ZNF41: variants seen among roughly 807,000 people sequenced by gnomAD.
ZNF41 encodes the protein zinc finger protein 41.
In ZNF41, 6 loss-of-function variants were observed where a neutral mutation model predicts 9.3. That is an observed-to-expected ratio of 0.65 (90% CI 0.35 to 1.28). The LOEUF (loss-of-function observed/expected upper bound fraction) is 1.28, where lower values mean the gene tolerates loss of function less well. Among genes scored for constraint, ZNF41 ranks in the 50% most tolerant of loss-of-function variants. The pLI, the probability that ZNF41 is intolerant of heterozygous loss-of-function variation, is 0.03. For missense variants in ZNF41, 523 were observed against 585.8 expected (o/e 0.89, Z 1.11); for synonymous variants, 192 against 207.1 (o/e 0.93, Z 0.63).
At chrX:47,469,040 G>A (rs1310805934) in intron 1 of ZNF41, among the ~76,000 whole-genome samples, 8 of 110,686 alleles carry the variant, frequency 7.2e-5, no homozygotes, top group Admixed American at 5.8e-4. Flanking sequence ...AGCCGGGCGC[G>A]GTGGCTCACG....
At position 47,461,450 on chromosome X, in the gene ZNF41, G is replaced by A. The variant is rs891315464; in HGVS notation, c.73-5052C>T. Among the ~76,000 whole-genome samples, 13 of 109,050 alleles carry A rather than the reference G, an allele frequency of 1.2e-4. 1 individual carries two copies. Among genetic ancestry groups the A allele is most frequent in the East Asian group, 1.2e-3 (4 of 3,460 alleles). 94.7% of individuals were successfully genotyped at this position (109,050 alleles called of 115,157 possible). On this transcript the variant is annotated intron_variant, in intron 2 of 4. Coordinates refer to ENST00000684689, the MANE Select transcript of ZNF41 (RefSeq NM_001324144.2). Reference sequence around the variant, plus strand: ...TTTTGAGACAGAATCTCACTCTGTCGCCCAGGCTGGAGTGCAGTGGTGCAA... The same window carrying A: ...TTTTGAGACAGAATCTCACTCTGTCACCCAGGCTGGAGTGCAGTGGTGCAA...
chrX:47,462,289 C>G (rs745850751), intron 2 of ZNF41, among the ~76,000 whole-genome samples: 33 of 111,673 alleles, frequency 3.0e-4, no homozygotes, highest in African/African-American at 1.0e-3. Flanking sequence ...TGGCTTTCCC[C>G]GCTTCCCTTG....
chrX:47,473,900 A>G (rs1314193958), intron 1 of ZNF41, among the ~76,000 whole-genome samples: 1 of 111,748 alleles, frequency 8.9e-6, no homozygotes, highest in African/African-American at 3.2e-5. Context: ...CACTTGATCC[A>G]GCAATTGCAA....
intron 2 of ZNF41, among the ~76,000 whole-genome samples, chrX:47,457,989 T>G (rs752493679): frequency 8.9e-6 from 1 of 112,186 alleles, no homozygotes; most frequent in South Asian, 3.7e-4. Flanking sequence ...TGAGAGGGGC[T>G]AGTAGATTAG....
At chrX:47,480,666 T>C (rs994461757) in intron 1 of ZNF41, among the ~76,000 whole-genome samples, 2 of 108,467 alleles carry the variant, frequency 1.8e-5, no homozygotes, top group Non-Finnish European at 3.8e-5. Context: ...CACAAATTAG[T>C]AAGAAAGACA....
Position 47,447,605 on chromosome X carries a change from C to G in ZNF41, c.2165G>C (p.Ser722Thr), listed in dbSNP as rs779641067. The G allele has an allele frequency of 3.3e-6, 4 of 1,211,705 alleles. No individual in the cohort carries two copies. Among genetic ancestry groups the G allele is most frequent in the Non-Finnish European group, 4.5e-6 (4 of 895,439 alleles). Residue 722 changes from serine (S) to threonine (T), a missense_variant, in exon 5 of 5, where the codon AGT becomes ACT. Physicochemically the swap from Ser to Thr is moderately conservative, Grantham distance 58. Transcript: ENST00000684689. ...CTGGATGAAAGCTTTCCCACATTTA[C>G]TACATTCATAGTGTCTTTCTCCAGT... ...SHTGERHYEC[S>T]KCGKAFIQKA...
intron 4 of ZNF41, among the ~76,000 whole-genome samples, chrX:47,454,101 G>T (rs1380495670): frequency 9.0e-6 from 1 of 110,629 alleles, no homozygotes; most frequent in African/African-American, 3.3e-5. Context: ...GAAAAAGACT[G>T]AACAGGAGAA....
chrX:47,448,175 A>G lies in ZNF41; in HGVS notation c.1595T>C (p.Phe532Ser). 3.3e-6 allele frequency: 4 copies of G among 1,211,800 alleles called. No individual in the cohort carries two copies. Among genetic ancestry groups the G allele is most frequent in the Non-Finnish European group, 4.5e-6 (4 of 895,552 alleles). The change falls in exon 5 of 5, where the codon TTT becomes TCT. Residue 532 changes from phenylalanine to serine, a missense_variant. Coordinates refer to ENST00000684689, the MANE Select transcript of ZNF41 (RefSeq NM_001324144.2). ...TTTAATGAGATTTGACTGGTCAGTAAAAGCCTTTCCACATTCAGCACACAT... is the reference window on the plus strand; with the variant it reads ...TTTAATGAGATTTGACTGGTCAGTAGAAGCCTTTCCACATTCAGCACACAT... ...PYMCAECGKAFTDQSNLIKHQ... is the reference protein window; with the variant it reads ...PYMCAECGKASTDQSNLIKHQ...
At position 47,467,587 on chromosome X, in the gene ZNF41, G is replaced by A. The variant is rs1175360740; in HGVS notation, c.-106C>T. The stretch of plus-strand genomic sequence containing the variant: ...TGGACTCAACCGGAGCTGCTGGGGC[G>A]AGGCAAGCAGGGGTCAGAAGGAAGA... On this transcript the variant is annotated 5_prime_UTR_variant, in exon 2 of 5. Coordinates refer to ENST00000684689, the MANE Select transcript of ZNF41 (RefSeq NM_001324144.2). 81 of 974,628 alleles carry A rather than the reference G, an allele frequency of 8.3e-5. No homozygotes were observed. In the Admixed American group the frequency reaches 1.1e-3, roughly 13 times the overall value. The allele number at this position is 974,628 out of a possible 1,213,427, so 80.3% of individuals were successfully genotyped here. A position where few individuals can be genotyped will look rare whatever the true frequency, so the allele number is the denominator to read the frequency against.
chrX:47,450,266 G>A (rs890123890), intron 4 of ZNF41, among the ~76,000 whole-genome samples: 6 of 110,369 alleles, frequency 5.4e-5, no homozygotes, highest in Middle Eastern at 4.2e-3. Context: ...GCTGGAGTGC[G>A]GTGGTGCGAT....
At chrX:47,479,817 C>G (rs1444617259) in intron 1 of ZNF41, among the ~76,000 whole-genome samples, 1 of 111,358 alleles carries the variant, frequency 9.0e-6, no homozygotes, top group Non-Finnish European at 1.9e-5. Context: ...AAGAATAAGG[C>G]TGGGTGCGGT....
chrX:47,448,886 C>A lies in ZNF41; in HGVS notation c.884G>T (p.Gly295Val), dbSNP rs1232920699. 1 of 1,211,604 alleles carries A rather than the reference C, an allele frequency of 8.3e-7. No homozygotes were observed. Among genetic ancestry groups the A allele is most frequent in the Non-Finnish European group, 1.1e-6 (1 of 895,551 alleles). ...TTTGTCACATTCACGGGACTTTTCTCCAGCATGAATTCTCTGATGCTCAAA... is the reference window on the plus strand; with the variant it reads ...TTTGTCACATTCACGGGACTTTTCTACAGCATGAATTCTCTGATGCTCAAA... Reference protein sequence around the residue: ...HLFEHQRIHAGEKSRECDKSN... With the variant: ...HLFEHQRIHAVEKSRECDKSN... Residue 295 changes from glycine to valine, a missense_variant, in exon 5 of 5, where the codon GGA (glycine) becomes GTA (valine). Physicochemically the swap from Gly to Val is moderately radical, Grantham distance 109. Coordinates refer to ENST00000684689, the MANE Select transcript of ZNF41 (RefSeq NM_001324144.2).
At chrX:47,480,176 C>T (rs990591407) in intron 1 of ZNF41, among the ~76,000 whole-genome samples, 1 of 111,543 alleles carries the variant, frequency 9.0e-6, no homozygotes, top group Non-Finnish European at 1.9e-5. Flanking sequence ...ACTAGTTCTA[C>T]ATGATGTTAA....
chrX:47,468,379 G>A (rs1469077247), intron 1 of ZNF41, among the ~76,000 whole-genome samples: 1 of 111,557 alleles, frequency 9.0e-6, no homozygotes, highest in Non-Finnish European at 1.9e-5. Context: ...GTGTAATTCA[G>A]TGTACATTCT....
chrX:47,476,442 G>A (rs748905111), intron 1 of ZNF41, among the ~76,000 whole-genome samples: 9 of 111,796 alleles, frequency 8.1e-5, no homozygotes, highest in Non-Finnish European at 1.5e-4. Flanking sequence ...GACTTCTATC[G>A]AGATTATCTA....
At chrX:47,477,519 CTT>C (rs1160209319) in intron 1 of ZNF41, among the ~76,000 whole-genome samples, 1 of 112,452 alleles carries the variant, frequency 8.9e-6, no homozygotes, top group Non-Finnish European at 1.9e-5. Flanking sequence ...TGAAAAATAA[CTT>C]TTTTTCTTGG....
intron 2 of ZNF41, among the ~76,000 whole-genome samples, chrX:47,457,095 T>C (rs2056592938): frequency 9.0e-6 from 1 of 111,713 alleles, no homozygotes; most frequent in Non-Finnish European, 1.9e-5. Context: ...TGATGGTAAT[T>C]GTGTGATTTC....
chrX:47,447,159 T>C lies in ZNF41; in HGVS notation c.*271A>G. ...TATTTCCAGGAGCTCAAGAGGTCTG[T>C]ATGAATCATGTCACCAAACATGACT... On this transcript the variant is annotated 3_prime_UTR_variant, in exon 5 of 5. Coordinates refer to ENST00000684689, the MANE Select transcript of ZNF41 (RefSeq NM_001324144.2). 1 of 381,343 alleles carries C rather than the reference T, an allele frequency of 2.6e-6. No homozygotes were observed. The highest frequency in any genetic ancestry group is 4.6e-6 in the Non-Finnish European group (1 of 216,100). The allele number at this position is 381,343 out of a possible 1,213,427, so 31.4% of individuals were successfully genotyped here. A position where few individuals can be genotyped will look rare whatever the true frequency, so the allele number is the denominator to read the frequency against.
At position 47,448,101 on chromosome X, in the gene ZNF41, C is replaced by T; in HGVS notation, c.1669G>A (p.Gly557Arg). The change falls in exon 5 of 5, where the codon GGA becomes AGA. Residue 557 changes from glycine (G) to arginine (R), a missense_variant. Transcript: ENST00000684689. ...CGCGACTTCCATATGAAGGCTTTTC[C>T]ACAGCCATTGCACTTATAGGGTTTC... ...GEKPYKCNGC[G>R]KAFIWKSRLK... The T allele has an allele frequency of 8.3e-7, 1 of 1,211,340 alleles. No homozygotes were observed. The highest frequency in any genetic ancestry group is 1.1e-6 in the Non-Finnish European group (1 of 895,438).
Sources: allele counts gnomAD v4.1 joint callset (sites outside exome capture counted in the v4.1 genomes callset), GRCh38; gene constraint gnomAD v4.1.1; transcripts MANE v1.5; gene names NCBI Gene and HGNC (gene_info 2026-07-23, HGNC 2026-07-21).